DAB1: variants seen among roughly 807,000 people sequenced by gnomAD.
DAB1 encodes disabled homolog 1.
A neutral mutation model predicts 64.6 loss-of-function variants in DAB1; 15 were observed. The observed-to-expected ratio is 0.23, with a 90% CI of 0.16 to 0.36. The LOEUF (loss-of-function observed/expected upper bound fraction) is 0.36. Ranked by LOEUF, DAB1 falls within the 10% of genes least tolerant of loss-of-function variation. The probability of loss-of-function intolerance (pLI) is 1.00; values close to 1 mark genes in which losing one functional copy is unlikely to be tolerated. For synonymous variants in DAB1, 235 were observed against 251.9 expected, an observed-to-expected ratio of 0.93 and a Z score of 0.64; for missense variants, 596 against 706.7, an observed-to-expected ratio of 0.84 and a Z score of 1.78.
At chr1:57,325,270 C>G (rs1233627489) in intron 1 of DAB1, among the ~76,000 whole-genome samples, 1 of 152,294 alleles carries the variant, frequency 6.6e-6, no homozygotes, top group Non-Finnish European at 1.5e-5. Flanking sequence ...AAATCACCTG[C>G]CCCCTGTTCT....
At chr1:58,087,126 G>A (rs1179170774) in intron 5 of DAB1, among the ~76,000 whole-genome samples, 2 of 152,138 alleles carry the variant, frequency 1.3e-5, no homozygotes, top group African/African-American at 4.8e-5. Flanking sequence ...ATTGCCTGGA[G>A]ACAATAATAA....
At chr1:58,333,438 C>A (rs1180389716) in intron 4 of DAB1, among the ~76,000 whole-genome samples, 2 of 152,182 alleles carry the variant, frequency 1.3e-5, no homozygotes, top group Admixed American at 6.5e-5. Flanking sequence ...CCACTAAAAT[C>A]TTGATAGAGG....
At chr1:57,834,771 T>A (rs1185433945) in intron 1 of DAB1, among the ~76,000 whole-genome samples, 1 of 152,030 alleles carries the variant, frequency 6.6e-6, no homozygotes, top group Non-Finnish European at 1.5e-5. Flanking sequence ...AAAGCTATAA[T>A]TAGAAGTGTA....
intron 5 of DAB1, among the ~76,000 whole-genome samples, chr1:57,924,648 T>C (rs2102027909): frequency 1.4e-5 from 2 of 145,116 alleles, no homozygotes; most frequent in African/African-American, 5.1e-5. Flanking sequence ...TTTTTTTTTT[T>C]AGTAGAGATG....
At chr1:57,944,614 C>CA (rs1416834979) in intron 5 of DAB1, among the ~76,000 whole-genome samples, 3 of 151,740 alleles carry the variant, frequency 2.0e-5, no homozygotes, top group Non-Finnish European at 4.4e-5. Flanking sequence ...AGGGGACCTC[C>CA]AAAAAAAAGT....
chr1:57,039,191 C>G (rs189233738), intron 9 of DAB1, among the ~76,000 whole-genome samples: 136 of 152,288 alleles, frequency 8.9e-4, no homozygotes, highest in African/African-American at 3.2e-3. Flanking sequence ...ATCATTTAAG[C>G]CTCAGTTTCC....
chr1:58,009,256 T>C (rs1426833947), intron 5 of DAB1, among the ~76,000 whole-genome samples: 6 of 152,144 alleles, frequency 3.9e-5, no homozygotes, highest in Admixed American at 6.6e-5. Context: ...CTTGTAAACC[T>C]AGTGCTCTTT....
chr1:57,321,596 G>A (rs1321129675), intron 1 of DAB1, among the ~76,000 whole-genome samples: 4 of 152,132 alleles, frequency 2.6e-5, no homozygotes, highest in Non-Finnish European at 5.9e-5. Flanking sequence ...TCTTAGAGAT[G>A]GAAGGAATCA....
intron 2 of DAB1, among the ~76,000 whole-genome samples, chr1:57,225,653 G>T (rs1295821431): frequency 1.3e-5 from 2 of 152,134 alleles, no homozygotes; most frequent in African/African-American, 4.8e-5. Context: ...TATGATACAA[G>T]ATTGCAATGT....
exon 2 of DAB1, chr1:58,527,334 T>A: frequency 1.1e-6 from 1 of 871,664 alleles, no homozygotes. Context: ...ATTAAACATA[T>A]ACTAAGAAGA....
intron 1 of DAB1, among the ~76,000 whole-genome samples, chr1:57,840,762 C>T (rs984004596): frequency 2.0e-5 from 3 of 152,104 alleles, no homozygotes; most frequent in African/African-American, 7.2e-5. Flanking sequence ...GAAAATCCAC[C>T]CCCATGATCC....
At chr1:57,759,861 TA>T (rs1648989069) in intron 6 of DAB1, among the ~76,000 whole-genome samples, 1 of 152,024 alleles carries the variant, frequency 6.6e-6, no homozygotes, top group African/African-American at 2.4e-5. Flanking sequence ...TGCAGGCAGG[TA>T]ACAATTATAG....
chr1:57,407,168 G>C (rs1332238766), intron 1 of DAB1, among the ~76,000 whole-genome samples: 2 of 152,194 alleles, frequency 1.3e-5, no homozygotes, highest in Non-Finnish European at 2.9e-5. Flanking sequence ...AATTGTGTTT[G>C]TGGTGGTGAC....
At chr1:58,460,524 C>T (rs706463) in intron 3 of DAB1, among the ~76,000 whole-genome samples, 75,462 of 151,972 alleles carry the variant, frequency 0.5, 19,086 homozygotes, top group Non-Finnish European at 0.55. Flanking sequence ...CACTTGGCAT[C>T]AGGTTGAATA....
chr1:57,901,122 T>A (rs1279609692), intron 5 of DAB1, among the ~76,000 whole-genome samples: 6 of 152,154 alleles, frequency 3.9e-5, no homozygotes, highest in Non-Finnish European at 8.8e-5. Context: ...AGGTAAGCTG[T>A]TCAGTAGCAA....
chr1:57,791,777 A>G (rs1650612444), intron 6 of DAB1, among the ~76,000 whole-genome samples: 1 of 152,194 alleles, frequency 6.6e-6, no homozygotes, highest in Non-Finnish European at 1.5e-5. Flanking sequence ...CTGACAGTCC[A>G]GAGATGCTGA....
rs539743110 is a variant in DAB1 at position 57,049,366 on chromosome 1, G to T, written c.723+13518C>A. Among the ~76,000 whole-genome samples the T allele has an allele frequency of 2.0e-4, 29 of 146,494 alleles. No homozygotes were observed. In the East Asian group the frequency reaches 3.6e-3, roughly 18 times the overall value. ...CTCGGGAGGCTGAGGCAGGAGAATG[G>T]CATGAACCCGGGAGGCAGAGGTTGC... is the stretch of plus-strand genomic sequence containing the variant. On this transcript the variant is annotated intron_variant, in intron 9 of 14. Coordinates refer to ENST00000371236, the MANE Select transcript of DAB1 (RefSeq NM_001365792.1).
At chr1:58,167,523 C>T (rs1429642828) in intron 4 of DAB1, among the ~76,000 whole-genome samples, 1 of 152,130 alleles carries the variant, frequency 6.6e-6, no homozygotes, top group Non-Finnish European at 1.5e-5. Context: ...AGGATGTGGG[C>T]AGGGTCAAAT....
chr1:58,535,426 T>C (rs1473341076), intron 1 of DAB1, among the ~76,000 whole-genome samples: 1 of 151,774 alleles, frequency 6.6e-6, no homozygotes, highest in Non-Finnish European at 1.5e-5. Context: ...TGAAACCCCA[T>C]CTCTACTAAA....
Sources: gnomAD v4.1 joint callset for allele counts (sites outside exome capture counted in the v4.1 genomes callset) on GRCh38, gnomAD v4.1.1 for gene constraint, MANE v1.5 for transcripts, NCBI Gene and HGNC (gene_info 2026-07-23, HGNC 2026-07-21) for gene names.